Variants in RAET1G observed in about 807,000 individuals in gnomAD.
RAET1G encodes retinoic acid early transcript 1G.
RAET1G carries 25 observed loss-of-function variants against 29.5 expected under a neutral mutation model. That is an observed-to-expected ratio of 0.85 (90% CI 0.62 to 1.18). RAET1G has a LOEUF of 1.18. Ranked by LOEUF, RAET1G falls within the 50% of genes most tolerant of loss-of-function variation. The pLI is 0.00. For synonymous variants in RAET1G, 167 were observed against 159.5 expected (o/e 1.05, Z -0.36); for missense variants, 434 against 423.6 (o/e 1.02, Z -0.22).
chr6:149,917,008 T>C lies in RAET1G; in HGVS notation c.909A>G (p.Gly303=). Reference sequence around the variant, plus strand: ...GGCAGGGTAAGGAGTGTGAGTCGTCTCCAATGATAGGTAAAGTCACGCGAG... The same window carrying C: ...GGCAGGGTAAGGAGTGTGAGTCGTCCCCAATGATAGGTAAAGTCACGCGAG... ...HVTRVTLPII[G]DDSHSLPCPL... The change falls in exon 5 of 5, where the codon GGA becomes GGG. Residue 303 remains glycine (G), a synonymous_variant. Coordinates refer to ENST00000367360, the MANE Select transcript of RAET1G (RefSeq NM_001001788.4). The C allele has an allele frequency of 6.4e-7, 1 of 1,550,754 alleles. No individual in the cohort carries two copies. The highest frequency in any genetic ancestry group is 8.7e-7 in the Non-Finnish European group (1 of 1,146,400).
At chr6:149,917,337 C>T (rs1211040803) in intron 4 of RAET1G, among the ~76,000 whole-genome samples, 2 of 152,174 alleles carry the variant, frequency 1.3e-5, no homozygotes, top group African/African-American at 2.4e-5. Flanking sequence ...CTAACTCCCC[C>T]GGGGAAAGGG....
chr6:149,921,499 T>C (rs1778600527), intron 1 of RAET1G, among the ~76,000 whole-genome samples: 1 of 152,196 alleles, frequency 6.6e-6, no homozygotes, highest in Admixed American at 6.5e-5. Context: ...AAGAGAGGTC[T>C]GGCAGTGAGA....
In RAET1G at chr6:149,918,333, G is replaced by A. The variant is rs1387974755; in HGVS notation, c.683C>T (p.Thr228Ile). ...GATGAGGAGGCAGCAAAGGATGAGG[G>A]TGGTGGCCGTGGCCCTGGGTTGGGC... Reference protein sequence around the residue: ...GTAQPRATATTLILCCLLIMC... With the variant: ...GTAQPRATATILILCCLLIMC... The change falls in exon 4 of 5, where the codon ACC (threonine) becomes ATC (isoleucine). Residue 228 changes from threonine to isoleucine, a missense_variant. Physicochemically the swap from Thr to Ile is moderately conservative, Grantham distance 89. Coordinates refer to ENST00000367360, the MANE Select transcript of RAET1G (RefSeq NM_001001788.4). The A allele has an allele frequency of 6.2e-7, 1 of 1,614,140 alleles. No individual in the cohort carries two copies. Among genetic ancestry groups the A allele is most frequent in the Non-Finnish European group, 8.5e-7 (1 of 1,179,994 alleles).
chr6:149,918,439 A>G lies in RAET1G; in HGVS notation c.632-55T>C, dbSNP rs915968719. On this transcript the variant is annotated intron_variant, in intron 3 of 4. Coordinates refer to ENST00000367360, the MANE Select transcript of RAET1G (RefSeq NM_001001788.4). Reference sequence around the variant, plus strand: ...TTGTCCAGGCCCCAAATCTGAGGAGATGCCTCCTCAGCTCCTGCTGACCCA... The same window carrying G: ...TTGTCCAGGCCCCAAATCTGAGGAGGTGCCTCCTCAGCTCCTGCTGACCCA... The G allele has an allele frequency of 1.9e-6, 3 of 1,547,376 alleles. No homozygotes were observed. In the Admixed American group the frequency reaches 5.1e-5, roughly 26 times the overall value.
chr6:149,918,005 C>G (rs1437598932), intron 4 of RAET1G, among the ~76,000 whole-genome samples, 169 bp downstream of exon 4: 4 of 152,198 alleles, frequency 2.6e-5, no homozygotes, highest in African/African-American at 9.6e-5. Flanking sequence ...GAACTCAGGG[C>G]AGAGCTGCCC....
At chr6:149,920,119 G>A (rs1001072402) in intron 1 of RAET1G, among the ~76,000 whole-genome samples, 3 of 152,234 alleles carry the variant, frequency 2.0e-5, no homozygotes, top group Non-Finnish European at 2.9e-5. Flanking sequence ...TGCTAGAGGA[G>A]GAAGGGCCTG....
chr6:149,917,174 C>A, intron 4 of RAET1G, 100 bp from the exon 5 acceptor site: 3 of 1,414,040 alleles, frequency 2.1e-6, no homozygotes, highest in Non-Finnish European at 1.9e-6. Context: ...ATCTAGAAGG[C>A]GGAGCCAGGT....
rs749168152 is a variant in RAET1G at position 149,919,648 on chromosome 6, G to A, written c.254C>T (p.Thr85Met). 4.2e-5 allele frequency: 67 copies of A among 1,613,926 alleles called. No individual in the cohort carries two copies. The East Asian group carries it at 5.8e-4, about 14-fold the overall frequency. The change falls in exon 2 of 5, where the codon ACG becomes ATG. Residue 85 changes from threonine (T) to methionine (M), a missense_variant. Coordinates refer to ENST00000367360, the MANE Select transcript of RAET1G (RefSeq NM_001001788.4). ...SPLGKKLNVT[T>M]AWKAQNPVLR... ...TACTGGGTTCTGTGCTTTCCAGGCC[G>A]TTGTGACATTTAGTTTCTTCCCCAG...
chr6:149,918,308 G>T lies in RAET1G; in HGVS notation c.708C>A (p.Ile236=), dbSNP rs759125356. The T allele has an allele frequency of 1.2e-6, 2 of 1,614,152 alleles. No individual in the cohort carries two copies. Among genetic ancestry groups the T allele is most frequent in the South Asian group, 2.2e-5 (2 of 91,076 alleles). ...GCCTGGAGCATATGAGGAGACACATGATGAGGAGGCAGCAAAGGATGAGGG... is the reference window on the plus strand; with the variant it reads ...GCCTGGAGCATATGAGGAGACACATTATGAGGAGGCAGCAAAGGATGAGGG... ...ATTLILCCLL[I]MCLLICSRHS... The change falls in exon 4 of 5, where the codon ATC becomes ATA. Residue 236 remains isoleucine (I), a synonymous_variant. Transcript: ENST00000367360.
In RAET1G at chr6:149,919,333, A is replaced by G; in HGVS notation, c.350-9T>C. On this transcript the variant is annotated splice_polypyrimidine_tract_variant and intron_variant, in intron 2 of 4. Coordinates refer to ENST00000367360, the MANE Select transcript of RAET1G (RefSeq NM_001001788.4). ...CTGCAGGGTGAGGGGTTCTGCCCCCATCAAAGAGAGATCAGCTCTGGCCTT... is the reference window on the plus strand; with the variant it reads ...CTGCAGGGTGAGGGGTTCTGCCCCCGTCAAAGAGAGATCAGCTCTGGCCTT... The G allele has an allele frequency of 6.2e-7, 1 of 1,611,254 alleles. No individual in the cohort carries two copies. The highest frequency in any genetic ancestry group is 8.5e-7 in the Non-Finnish European group (1 of 1,178,284).
Position 149,919,687 on chromosome 6 carries a change from G to T in RAET1G, c.215C>A (p.Thr72Lys). Reference sequence around the variant, plus strand: ...TTTCTTCCCCAGGGGACTGACGGGTGTGACTGTCTTGCTGCCACAGTCATA... The same window carrying T: ...TTTCTTCCCCAGGGGACTGACGGGTTTGACTGTCTTGCTGCCACAGTCATA... ...LHYDCGSKTVTPVSPLGKKLN... is the reference protein window; with the variant it reads ...LHYDCGSKTVKPVSPLGKKLN... Residue 72 changes from threonine (T) to lysine (K), a missense_variant, in exon 2 of 5, where the codon ACA becomes AAA. Coordinates refer to ENST00000367360, the MANE Select transcript of RAET1G (RefSeq NM_001001788.4). 6.2e-7 allele frequency: 1 copy of T among 1,614,022 alleles called. No homozygotes were observed. Among genetic ancestry groups the T allele is most frequent in the Non-Finnish European group, 8.5e-7 (1 of 1,179,886 alleles).
Position 149,919,208 on chromosome 6 carries a change from T to C in RAET1G, c.466A>G (p.Arg156Gly). Residue 156 changes from arginine to glycine, a missense_variant, in exon 3 of 5, where the codon AGA (arginine) becomes GGA (glycine). By Grantham distance (125) the Arg-to-Gly change is moderately radical. Transcript: ENST00000367360. ...CCAGGATGAACCGTTGTCCACATTC[T>C]GTTTTCTGAGTCAAAGAGGAGGAAG... ...QIFLLFDSEN[R>G]MWTTVHPGAR... The C allele has an allele frequency of 6.2e-7, 1 of 1,614,242 alleles. No individual in the cohort carries two copies. Among genetic ancestry groups the C allele is most frequent in the Non-Finnish European group, 8.5e-7 (1 of 1,180,048 alleles).
chr6:149,917,958 G>C (rs9968851), intron 4 of RAET1G, among the ~76,000 whole-genome samples: 73 of 152,260 alleles, frequency 4.8e-4, no homozygotes, highest in African/African-American at 1.6e-3. Flanking sequence ...GCACCACTGC[G>C]CCTTTCCCTC....
In RAET1G at chr6:149,917,055, G is replaced by A; in HGVS notation, c.862C>T (p.Pro288Ser). Residue 288 changes from proline (P) to serine (S), a missense_variant, in exon 5 of 5, where the codon CCC becomes TCC. Physicochemically the swap from Pro to Ser is moderately conservative, Grantham distance 74. Transcript: ENST00000367360. ...CGAGTCACGTGTCCACCAGACAAGG[G>A]GCGCTTCGCTATTTGGTAGCTGAGG... ...WSDSYQIAKRPLSGGHVTRVT... is the reference protein window; with the variant it reads ...WSDSYQIAKRSLSGGHVTRVT... The A allele has an allele frequency of 3.9e-6, 6 of 1,548,384 alleles. No homozygotes were observed. The highest frequency in any genetic ancestry group is 5.2e-6 in the Non-Finnish European group (6 of 1,145,610).
At chr6:149,921,205 C>T (rs374430165) in intron 1 of RAET1G, among the ~76,000 whole-genome samples, 4 of 152,162 alleles carry the variant, frequency 2.6e-5, no homozygotes, top group South Asian at 2.1e-4. Context: ...CATGAATGAG[C>T]GAGGCTGGAC....
chr6:149,919,157 C>T lies in RAET1G; in HGVS notation c.517G>A (p.Glu173Lys), dbSNP rs766281665. The T allele has an allele frequency of 2.1e-5, 34 of 1,614,180 alleles. No homozygotes were observed. Among genetic ancestry groups the T allele is most frequent in the Non-Finnish European group, 2.8e-5 (33 of 1,180,028 alleles). ...GACATGGTCATATCCTTGTCATTCT[C>T]CCACTTTTCTTTCATCTTTCTGGCT... ...PGARKMKEKW[E>K]NDKDMTMSFH... Residue 173 changes from glutamate (E) to lysine (K), a missense_variant, in exon 3 of 5, where the codon GAG (glutamate) becomes AAG (lysine). Glu to Lys is a moderately conservative substitution (Grantham distance 56). Coordinates refer to ENST00000367360, the MANE Select transcript of RAET1G (RefSeq NM_001001788.4).
rs762070745 is a variant in RAET1G, at chr6:149,918,238, G to A, written c.778C>T (p.Pro260Ser). ...TGAAGCAGGGGAGGATGAGGAGGAG[G>A]CTGCAGGGACTGAGGGTGGTGGCCA... ...SHGHHPQSLQ[P>S]PPHPPLLHPT... Residue 260 changes from proline to serine, a missense_variant, in exon 4 of 5, where the codon CCT (proline) becomes TCT (serine). Transcript: ENST00000367360. The A allele has an allele frequency of 1.0e-4, 163 of 1,614,068 alleles. No individual in the cohort carries two copies. Among genetic ancestry groups the A allele is most frequent in the Non-Finnish European group, 1.3e-4 (155 of 1,180,052 alleles).
chr6:149,918,994 C>A (rs755185021), intron 3 of RAET1G, 49 bp downstream of exon 3: 95 of 1,605,172 alleles, frequency 5.9e-5, no homozygotes, highest in Non-Finnish European at 8.0e-5. Flanking sequence ...TTCTTGAGAT[C>A]CCCATTTCTG....
chr6:149,919,458 T>A lies in RAET1G; in HGVS notation c.349+95A>T, dbSNP rs1196084205. 3 of 1,611,864 alleles carry A rather than the reference T, an allele frequency of 1.9e-6. No homozygotes were observed. The East Asian group carries it at 6.7e-5, about 36-fold the overall frequency. ...CCTCTAGACGTCTTGCGGGGTGAGA[T>A]GACCTTCCTATTTGTATTTTTACAT... On this transcript the variant is annotated intron_variant, in intron 2 of 4. Coordinates refer to ENST00000367360, the MANE Select transcript of RAET1G (RefSeq NM_001001788.4).
Sources: allele counts gnomAD v4.1 joint callset (sites outside exome capture counted in the v4.1 genomes callset), GRCh38; gene constraint gnomAD v4.1.1; transcripts MANE v1.5; gene names NCBI Gene and HGNC (gene_info 2026-07-23, HGNC 2026-07-21).